The following ATXN7L3B variants were observed in gnomAD, a reference collection of about 807,000 sequenced individuals.
ATXN7L3B encodes ataxin 7 like 3B, also known as ataxin-7-like protein 3B.
ATXN7L3B carries 4 observed loss-of-function variants against 6.3 expected under a neutral mutation model. The ratio of observed to expected loss-of-function variants is 0.63; its 90% confidence interval spans 0.31 to 1.45. The LOEUF (loss-of-function observed/expected upper bound fraction) is 1.45. Ranked by LOEUF, ATXN7L3B falls within the 40% of genes most tolerant of loss-of-function variation. The pLI is 0.07. For synonymous variants in ATXN7L3B, 63 were observed against 48.0 expected (o/e 1.31, Z -1.29); for missense variants, 120 against 118.5 (o/e 1.01, Z -0.06).
chr12:74,542,145 A>G lies in ATXN7L3B; in HGVS notation c.*3739A>G, dbSNP rs908793277. The G allele has an allele frequency of 6.6e-6, 1 of 152,214 alleles. No homozygotes were observed. The highest frequency in any genetic ancestry group is 6.5e-5 in the Admixed American group (1 of 15,286). The allele number at this position is 152,214 out of a possible 1,614,324, so 9.4% of individuals were successfully genotyped here. ...TCAGGGAAGCTTATAGATGTGTAAC[A>G]TGGTATTGAGTCTTCTCTTCTAGGA... On this transcript the variant is annotated 3_prime_UTR_variant, in exon 1 of 1. Coordinates refer to ENST00000519948, the MANE Select transcript of ATXN7L3B (RefSeq NM_001136262.2).
At position 74,541,513 on chromosome 12, in the gene ATXN7L3B, CATA is replaced by C. The variant is rs1222037218; in HGVS notation, c.*3110_*3112del. ...AAAGCTGTATGTTTTCAGGCATTGA[CATA>C]ATGAGATAAACGTTGAAATGCTATT... On this transcript the variant is annotated 3_prime_UTR_variant, in exon 1 of 1. Transcript: ENST00000519948. 4 of 159,976 alleles carry C rather than the reference CATA, an allele frequency of 2.5e-5. No individual in the cohort carries two copies. The East Asian group carries it at 7.7e-4, about 31-fold the overall frequency. 9.9% of individuals were successfully genotyped at this position (159,976 alleles called of 1,614,324 possible).
rs1211891707 is a variant in ATXN7L3B, at chr12:74,538,348, G to A, written c.236G>A (p.Gly79Glu). The A allele has an allele frequency of 4.5e-6, 7 of 1,551,912 alleles. No individual in the cohort carries two copies. ...ACRLPLCSLP[G>E]EPGNGPDQQL... ...CGCCTCCCGCTTTGCTCCCTTCCCG[G>A]AGAACCTGGGAATGGGCCTGATCAG... is the stretch of plus-strand genomic sequence containing the variant. The change falls in exon 1 of 1, where the codon GGA (glycine) becomes GAA (glutamate). Residue 79 changes from glycine (G) to glutamate (E), a missense_variant. Physicochemically the swap from Gly to Glu is moderately conservative, Grantham distance 98. Coordinates refer to ENST00000519948, the MANE Select transcript of ATXN7L3B (RefSeq NM_001136262.2).
At position 74,538,629 on chromosome 12, in the gene ATXN7L3B, C is replaced by T; in HGVS notation, c.*223C>T. The T allele has an allele frequency of 1.8e-6, 1 of 571,260 alleles. No homozygotes were observed. The allele number at this position is 571,260 out of a possible 1,614,324, so 35.4% of individuals were successfully genotyped here. A position where few individuals can be genotyped will look rare whatever the true frequency, so the allele number is the denominator to read the frequency against. On this transcript the variant is annotated 3_prime_UTR_variant, in exon 1 of 1. Transcript: ENST00000519948. ...GAAGCCCTGGGCAGGAGGAGCTGCA[C>T]AGCCTGCGGGCCATGCAGTGCCTGT...
chr12:74,539,969 C>T lies in ATXN7L3B; in HGVS notation c.*1563C>T, dbSNP rs2136588026. The T allele has an allele frequency of 6.0e-6, 1 of 167,592 alleles. No homozygotes were observed. Among genetic ancestry groups the T allele is most frequent in the East Asian group, 1.9e-4 (1 of 5,184 alleles). The allele number at this position is 167,592 out of a possible 1,614,324, so 10.4% of individuals were successfully genotyped here. A position where few individuals can be genotyped will look rare whatever the true frequency, so the allele number is the denominator to read the frequency against. On this transcript the variant is annotated 3_prime_UTR_variant, in exon 1 of 1. Coordinates refer to ENST00000519948, the MANE Select transcript of ATXN7L3B (RefSeq NM_001136262.2). ...CCCTGCTCCACTGCCTATCTGGTGC[C>T]CCAGGTGCTGCTTGCCACTCCAGCT...
Position 74,538,262 on chromosome 12 carries a change from C to A in ATXN7L3B, c.150C>A (p.Phe50Leu). Residue 50 changes from phenylalanine to leucine, a missense_variant, in exon 1 of 1, where the codon TTC becomes TTA. By Grantham distance (22) the Phe-to-Leu change is conservative (BLOSUM62 0). Transcript: ENST00000519948. ...AVKCGYFYLE[F>L]AETGSVKDFG... is the part of the protein sequence containing the mutation. ...AGTGTGGCTACTTCTACCTGGAGTT[C>A]GCAGAGACTGGTAGCGTGAAGGATT... 6.3e-7 allele frequency: 1 copy of A among 1,585,964 alleles called. No homozygotes were observed. The highest frequency in any genetic ancestry group is 1.2e-5 in the South Asian group (1 of 86,782).
chr12:74,540,323 A>C lies in ATXN7L3B; in HGVS notation c.*1917A>C, dbSNP rs1868856964. 6.0e-6 allele frequency: 1 copy of C among 167,136 alleles called. No individual in the cohort carries two copies. Among genetic ancestry groups the C allele is most frequent in the African/African-American group, 2.4e-5 (1 of 41,480 alleles). 10.4% of individuals were successfully genotyped at this position (167,136 alleles called of 1,614,324 possible). A position where few individuals can be genotyped will look rare whatever the true frequency, so the allele number is the denominator to read the frequency against. ...CAATACTGCCGGTTAGGACCTAAGT[A>C]GAAGAGCAGTAAAGGCTGATTGACA... On this transcript the variant is annotated 3_prime_UTR_variant, in exon 1 of 1. Transcript: ENST00000519948.
At position 74,541,165 on chromosome 12, in the gene ATXN7L3B, A is replaced by AG. The variant is rs34295267; in HGVS notation, c.*2767dup. The AG allele has an allele frequency of 1.6e-4, 27 of 165,936 alleles. No homozygotes were observed. The highest frequency in any genetic ancestry group is 2.4e-4 in the African/African-American group (10 of 40,954). 10.3% of individuals were successfully genotyped at this position (165,936 alleles called of 1,614,324 possible). A position where few individuals can be genotyped will look rare whatever the true frequency, so the allele number is the denominator to read the frequency against. On this transcript the variant is annotated 3_prime_UTR_variant, in exon 1 of 1. Transcript: ENST00000519948. The stretch of plus-strand genomic sequence containing the variant: ...GTGTGTATGTGTGTGTTATGGGGGA[A>AG]GGGGGGGGTTCTTTAAAATTTCTGT...
Position 74,544,392 on chromosome 12 carries a change from AT to A in ATXN7L3B, c.*5989del, listed in dbSNP as rs1868972954. The A allele has an allele frequency of 1.3e-5, 2 of 152,132 alleles. No homozygotes were observed. The highest frequency in any genetic ancestry group is 3.4e-3 in the Middle Eastern group (1 of 294). The allele number at this position is 152,132 out of a possible 1,614,324, so 9.4% of individuals were successfully genotyped here. On this transcript the variant is annotated 3_prime_UTR_variant, in exon 1 of 1. Coordinates refer to ENST00000519948, the MANE Select transcript of ATXN7L3B (RefSeq NM_001136262.2). Reference sequence around the variant, plus strand: ...TGGAACTTGACAAATTAATTTTAAGATTTATATGAACACCAGATGCTAGAAT... The same window carrying A: ...TGGAACTTGACAAATTAATTTTAAGATTATATGAACACCAGATGCTAGAAT...
At position 74,538,441 on chromosome 12, in the gene ATXN7L3B, T is replaced by C. The variant is rs1868781327; in HGVS notation, c.*35T>C. The C allele has an allele frequency of 6.6e-7, 1 of 1,525,306 alleles. No homozygotes were observed. Among genetic ancestry groups the C allele is most frequent in the African/African-American group, 1.4e-5 (1 of 72,416 alleles). The allele number at this position is 1,525,306 out of a possible 1,614,324, so 94.5% of individuals were successfully genotyped here. ...GAGAGTCTGAAAGTGGCCAGGACAA[T>C]AACATAGACTGGTCCTGTGGCTTCG... On this transcript the variant is annotated 3_prime_UTR_variant, in exon 1 of 1. Coordinates refer to ENST00000519948, the MANE Select transcript of ATXN7L3B (RefSeq NM_001136262.2).
At position 74,541,503 on chromosome 12, in the gene ATXN7L3B, C is replaced by A. The variant is rs1360205681; in HGVS notation, c.*3097C>A. On this transcript the variant is annotated 3_prime_UTR_variant, in exon 1 of 1. Transcript: ENST00000519948. ...TTCATCTTTTAAAGCTGTATGTTTTCAGGCATTGACATAATGAGATAAACG... is the reference window on the plus strand; with the variant it reads ...TTCATCTTTTAAAGCTGTATGTTTTAAGGCATTGACATAATGAGATAAACG... The A allele has an allele frequency of 6.2e-6, 1 of 161,476 alleles. No homozygotes were observed. Among genetic ancestry groups the A allele is most frequent in the Non-Finnish European group, 1.5e-5 (1 of 68,086 alleles). 10.0% of individuals were successfully genotyped at this position (161,476 alleles called of 1,614,324 possible). A position where few individuals can be genotyped will look rare whatever the true frequency, so the allele number is the denominator to read the frequency against.
chr12:74,543,700 C>G lies in ATXN7L3B; in HGVS notation c.*5294C>G, dbSNP rs1868952725. 1 of 151,974 alleles carries G rather than the reference C, an allele frequency of 6.6e-6. No individual in the cohort carries two copies. Among genetic ancestry groups the G allele is most frequent in the East Asian group, 1.9e-4 (1 of 5,186 alleles). The allele number at this position is 151,974 out of a possible 1,614,324, so 9.4% of individuals were successfully genotyped here. ...ATCACAGGATGGCAAGATTTCATCT[C>G]AAAATCATCACATTACCATTAGAGA... On this transcript the variant is annotated 3_prime_UTR_variant, in exon 1 of 1. Transcript: ENST00000519948.
rs972447721 is a variant in ATXN7L3B at position 74,539,471 on chromosome 12, G to A, written c.*1065G>A. ...TCAGCTGCCCTCAATAATGTGAATG[G>A]ATTAGTGCTAGGAGCCAAGGAGCAG... On this transcript the variant is annotated 3_prime_UTR_variant, in exon 1 of 1. Transcript: ENST00000519948. 1.8e-5 allele frequency: 3 copies of A among 167,272 alleles called. No homozygotes were observed. Among genetic ancestry groups the A allele is most frequent in the Admixed American group, 6.5e-5 (1 of 15,290 alleles). The allele number at this position is 167,272 out of a possible 1,614,324, so 10.4% of individuals were successfully genotyped here. A position where few individuals can be genotyped will look rare whatever the true frequency, so the allele number is the denominator to read the frequency against.
In ATXN7L3B at chr12:74,538,071, G is replaced by A; in HGVS notation, c.-42G>A. 1 of 1,535,396 alleles carries A rather than the reference G, an allele frequency of 6.5e-7. No individual in the cohort carries two copies. Among genetic ancestry groups the A allele is most frequent in the Non-Finnish European group, 8.8e-7 (1 of 1,136,518 alleles). On this transcript the variant is annotated 5_prime_UTR_variant, in exon 1 of 1. Transcript: ENST00000519948. ...GCGGAGCCAGACGTGTTGCTGCCGT[G>A]AGTAAAACGAGCGCCCTCTCCGCAC...
At position 74,540,388 on chromosome 12, in the gene ATXN7L3B, C is replaced by G. The variant is rs1479782989; in HGVS notation, c.*1982C>G. The G allele has an allele frequency of 6.0e-6, 1 of 167,042 alleles. No homozygotes were observed. Among genetic ancestry groups the G allele is most frequent in the African/African-American group, 2.4e-5 (1 of 41,418 alleles). The allele number at this position is 167,042 out of a possible 1,614,324, so 10.3% of individuals were successfully genotyped here. On this transcript the variant is annotated 3_prime_UTR_variant, in exon 1 of 1. Coordinates refer to ENST00000519948, the MANE Select transcript of ATXN7L3B (RefSeq NM_001136262.2). ...GTTGGTCCTTGTCCATTCTCTCACC[C>G]TTGCTGTGCATGTATCAATCCTTAT...
rs1040253368 is a variant in ATXN7L3B at position 74,543,188 on chromosome 12, A to G, written c.*4782A>G. On this transcript the variant is annotated 3_prime_UTR_variant, in exon 1 of 1. Coordinates refer to ENST00000519948, the MANE Select transcript of ATXN7L3B (RefSeq NM_001136262.2). ...TTGGAAATATGTGAGCTAAAAAGGA[A>G]ATACTAAATTGATTTTAGAGATGAA... 1 of 152,146 alleles carries G rather than the reference A, an allele frequency of 6.6e-6. No homozygotes were observed. Among genetic ancestry groups the G allele is most frequent in the African/African-American group, 2.4e-5 (1 of 41,446 alleles). 9.4% of individuals were successfully genotyped at this position (152,146 alleles called of 1,614,324 possible).
In ATXN7L3B at chr12:74,542,413, G is replaced by C. The variant is rs932859894; in HGVS notation, c.*4007G>C. Reference sequence around the variant, plus strand: ...AAATACATCTGCAGCAAATACTTTTGGTTCCTGTTTTGTAGGTTTGGAGTT... The same window carrying C: ...AAATACATCTGCAGCAAATACTTTTCGTTCCTGTTTTGTAGGTTTGGAGTT... On this transcript the variant is annotated 3_prime_UTR_variant, in exon 1 of 1. Coordinates refer to ENST00000519948, the MANE Select transcript of ATXN7L3B (RefSeq NM_001136262.2). 4 of 152,060 alleles carry C rather than the reference G, an allele frequency of 2.6e-5. No homozygotes were observed. Among genetic ancestry groups the C allele is most frequent in the Non-Finnish European group, 4.4e-5 (3 of 67,992 alleles). 9.4% of individuals were successfully genotyped at this position (152,060 alleles called of 1,614,324 possible).
In ATXN7L3B at chr12:74,538,548, C is replaced by T. The variant is rs1384932113; in HGVS notation, c.*142C>T. 8 of 788,670 alleles carry T rather than the reference C, an allele frequency of 1.0e-5. No individual in the cohort carries two copies. In the South Asian group the frequency reaches 1.3e-4, roughly 13 times the overall value. 48.9% of individuals were successfully genotyped at this position (788,670 alleles called of 1,614,324 possible). A position where few individuals can be genotyped will look rare whatever the true frequency, so the allele number is the denominator to read the frequency against. On this transcript the variant is annotated 3_prime_UTR_variant, in exon 1 of 1. Transcript: ENST00000519948. ...TTGAAGATCCTAGCATTTAAAAACC[C>T]AAAGTGGATAATTTAGGAATCCTTT...
In ATXN7L3B at chr12:74,540,252, T is replaced by TG. The variant is rs1868854727; in HGVS notation, c.*1847dup. 6.0e-6 allele frequency: 1 copy of TG among 167,074 alleles called. No homozygotes were observed. Among genetic ancestry groups the TG allele is most frequent in the African/African-American group, 2.4e-5 (1 of 41,438 alleles). The allele number at this position is 167,074 out of a possible 1,614,324, so 10.3% of individuals were successfully genotyped here. The stretch of plus-strand genomic sequence containing the variant: ...GGACTGCTTTGCTAGTGTGCCCTCT[T>TG]GCTGTGTCTTACTTCATAAGGAGTT... On this transcript the variant is annotated 3_prime_UTR_variant, in exon 1 of 1. Transcript: ENST00000519948.
rs1163386569 is a variant in ATXN7L3B at position 74,539,603 on chromosome 12, CTT to C, written c.*1199_*1200del. The C allele has an allele frequency of 3.6e-5, 6 of 167,148 alleles. No individual in the cohort carries two copies. In the Admixed American group the frequency reaches 3.9e-4, roughly 11 times the overall value. 10.4% of individuals were successfully genotyped at this position (167,148 alleles called of 1,614,324 possible). On this transcript the variant is annotated 3_prime_UTR_variant, in exon 1 of 1. Coordinates refer to ENST00000519948, the MANE Select transcript of ATXN7L3B (RefSeq NM_001136262.2). ...ATGGTGAACATCCAGACTGTCACCACTTTCTGTCTGCCGCTCGAAAGGGATAG... is the reference window on the plus strand; with the variant it reads ...ATGGTGAACATCCAGACTGTCACCACTCTGTCTGCCGCTCGAAAGGGATAG...
Sources: allele counts gnomAD v4.1 joint callset, GRCh38; gene constraint gnomAD v4.1.1; transcripts MANE v1.5; gene names NCBI Gene and HGNC (gene_info 2026-07-23, HGNC 2026-07-21).